The following RBFOX1 variants were observed in gnomAD, a reference collection of about 807,000 sequenced individuals.
The protein encoded by RBFOX1 is RNA binding fox-1 homolog 1, also known as RNA binding protein fox-1 homolog 1.
Under a neutral mutation model 57.7 loss-of-function variants are expected in RBFOX1, and 8 were observed. That is an observed-to-expected ratio of 0.14 (90% CI 0.08 to 0.25). The LOEUF (loss-of-function observed/expected upper bound fraction) is 0.25. Ranked by LOEUF, RBFOX1 falls within the 10% of genes least tolerant of loss-of-function variation. The pLI, the probability that RBFOX1 is intolerant of heterozygous loss-of-function variation, is 1.00. For missense variants in RBFOX1, 611 were observed against 548.5 expected (o/e 1.11, Z -1.14); for synonymous variants, 326 against 222.4 (o/e 1.47, Z -4.15).
At chr16:6,591,416 TG>T (rs1375392106) in intron 2 of RBFOX1, among the ~76,000 whole-genome samples, 1 of 152,146 alleles carries the variant, frequency 6.6e-6, no homozygotes, top group Non-Finnish European at 1.5e-5. Flanking sequence ...ATTGTACTAC[TG>T]CACTCCAGTC....
chr16:7,474,090 C>T, intron 4 of RBFOX1, among the ~76,000 whole-genome samples: 1 of 152,078 alleles, frequency 6.6e-6, no homozygotes. Context: ...AGTTTGAGAC[C>T]AGTCTGGCCA....
intron 1 of RBFOX1, among the ~76,000 whole-genome samples, chr16:6,174,847 G>A (rs1171684792): frequency 6.6e-6 from 1 of 152,118 alleles, no homozygotes; most frequent in Non-Finnish European, 1.5e-5. Context: ...GCCAATCTAA[G>A]GATGCCTTTG....
At chr16:6,602,518 C>G (rs1366607071) in intron 2 of RBFOX1, among the ~76,000 whole-genome samples, 1 of 152,080 alleles carries the variant, frequency 6.6e-6, no homozygotes, top group African/African-American at 2.4e-5. Flanking sequence ...AGCTGACCTC[C>G]AAGAGGTCTT....
intron 1 of RBFOX1, among the ~76,000 whole-genome samples, chr16:5,365,319 C>G (rs1264695002): frequency 6.6e-6 from 1 of 152,176 alleles, no homozygotes; most frequent in African/African-American, 2.4e-5. Context: ...AGCCACACAT[C>G]TCCTCCCTGT....
At chr16:6,044,550 T>G (rs966411026) in intron 1 of RBFOX1, among the ~76,000 whole-genome samples, 2 of 149,908 alleles carry the variant, frequency 1.3e-5, no homozygotes, top group Admixed American at 6.7e-5. Flanking sequence ...TTACAGAGAG[T>G]GGTTTCAAAA....
At chr16:7,702,719 A>G (rs531081761) in intron 14 of RBFOX1, among the ~76,000 whole-genome samples, 7 of 152,290 alleles carry the variant, frequency 4.6e-5, no homozygotes, top group African/African-American at 1.4e-4. Flanking sequence ...CATTTTGTCC[A>G]AACACAGAAC....
chr16:7,555,377 G>C (rs1381672821), intron 5 of RBFOX1, among the ~76,000 whole-genome samples: 4 of 152,164 alleles, frequency 2.6e-5, no homozygotes, highest in Admixed American at 6.6e-5. Context: ...CCATGGTTTA[G>C]TTAATAGACA....
intron 3 of RBFOX1, among the ~76,000 whole-genome samples, chr16:5,764,804 T>G (rs1202052065): frequency 6.6e-6 from 1 of 151,944 alleles, no homozygotes; most frequent in African/African-American, 2.4e-5. Context: ...ATCATTTTTT[T>G]TATCATTACA....
intron 3 of RBFOX1, among the ~76,000 whole-genome samples, chr16:5,792,738 G>T (rs1415650004): frequency 6.6e-6 from 1 of 152,130 alleles, no homozygotes; most frequent in East Asian, 1.9e-4. Flanking sequence ...AGCTACTCAG[G>T]AGGCTGAGGC....
Position 6,532,214 on chromosome 16 carries a change from G to C in RBFOX1, c.-63-122389G>C, listed in dbSNP as rs538432233. Among the ~76,000 whole-genome samples, 8 of 152,268 alleles carry C rather than the reference G, an allele frequency of 5.3e-5. No homozygotes were observed. In the East Asian group the frequency reaches 1.5e-3, roughly 29 times the overall value. Reference sequence around the variant, plus strand: ...ACTCTTTATCTTCCAGAGTGGGAAGGCAAAGTACCCAATGTATGGTCTTAC... The same window carrying C: ...ACTCTTTATCTTCCAGAGTGGGAAGCCAAAGTACCCAATGTATGGTCTTAC... On this transcript the variant is annotated intron_variant, in intron 2 of 15. Coordinates refer to ENST00000550418, the MANE Select transcript of RBFOX1 (RefSeq NM_018723.4).
chr16:6,590,522 A>G (rs1420023029), intron 2 of RBFOX1, among the ~76,000 whole-genome samples: 1 of 152,160 alleles, frequency 6.6e-6, no homozygotes, highest in Non-Finnish European at 1.5e-5. Flanking sequence ...TCGGGAGTAA[A>G]TTCAATGAGA....
At chr16:6,904,431 T>C (rs1429830195) in intron 3 of RBFOX1, among the ~76,000 whole-genome samples, 1 of 151,658 alleles carries the variant, frequency 6.6e-6, no homozygotes, top group African/African-American at 2.4e-5. Flanking sequence ...TGAATCCTCC[T>C]GTCCACTGAA....
At chr16:7,695,297 G>C (rs1027855002) in intron 14 of RBFOX1, among the ~76,000 whole-genome samples, 5 of 152,132 alleles carry the variant, frequency 3.3e-5, no homozygotes, top group Non-Finnish European at 7.4e-5. Context: ...AGTTCACCTT[G>C]CTCATAGAGC....
chr16:5,391,207 C>T (rs976355212), intron 1 of RBFOX1, among the ~76,000 whole-genome samples: 2 of 152,154 alleles, frequency 1.3e-5, no homozygotes, highest in Non-Finnish European at 2.9e-5. Flanking sequence ...TAAAATATCA[C>T]CCAAAACTTA....
chr16:5,817,795 G>A (rs1418166819), intron 3 of RBFOX1, among the ~76,000 whole-genome samples: 2 of 151,474 alleles, frequency 1.3e-5, no homozygotes, highest in African/African-American at 2.4e-5. Flanking sequence ...CCGGGTTCGC[G>A]CCATTCTCCT....
At chr16:6,298,189 T>A (rs758205470) in intron 1 of RBFOX1, among the ~76,000 whole-genome samples, 3 of 152,202 alleles carry the variant, frequency 2.0e-5, no homozygotes, top group Non-Finnish European at 2.9e-5. Flanking sequence ...GTTTGAGCAG[T>A]GGCAGCAATT....
rs184187361 is a variant in RBFOX1 at position 7,545,904 on chromosome 16, G to A, written c.270+27515G>A. Among the ~76,000 whole-genome samples the A allele has an allele frequency of 2.8e-3, 427 of 151,174 alleles. 3 individuals are homozygous for A. The highest frequency in any genetic ancestry group is 5.9e-3 in the South Asian group (28 of 4,784). On this transcript the variant is annotated intron_variant, in intron 5 of 15. Coordinates refer to ENST00000550418, the MANE Select transcript of RBFOX1 (RefSeq NM_018723.4). ...GAATGCTGGTCCTGCCTACCTGACA[G>A]AACTGTTTTGAGAGTCACGTGCAAA...
At chr16:5,573,060 A>C (rs2046337905) in intron 2 of RBFOX1, among the ~76,000 whole-genome samples, 1 of 152,132 alleles carries the variant, frequency 6.6e-6, no homozygotes, top group Admixed American at 6.6e-5. Context: ...GAGGACATTT[A>C]GGCAGTTGTC....
intron 3 of RBFOX1, among the ~76,000 whole-genome samples, chr16:6,955,331 A>G (rs902958941): frequency 3.1e-4 from 44 of 143,192 alleles, no homozygotes; most frequent in African/African-American, 1.1e-3. Context: ...TTTCACCTTT[A>G]AGCCTTCCCC....
Sources: gnomAD v4.1 joint callset for allele counts (sites outside exome capture counted in the v4.1 genomes callset) on GRCh38, gnomAD v4.1.1 for gene constraint, MANE v1.5 for transcripts, NCBI Gene and HGNC (gene_info 2026-07-23, HGNC 2026-07-21) for gene names.